FBXL17: variants seen among roughly 807,000 people sequenced by gnomAD.
The protein encoded by FBXL17 is F-box/LRR-repeat protein 17.
FBXL17 carries 22 observed loss-of-function variants against 66.2 expected under a neutral mutation model. The ratio of observed to expected loss-of-function variants is 0.33; its 90% CI spans 0.24 to 0.47. FBXL17 has a LOEUF of 0.47. Among genes scored for constraint, FBXL17 ranks in the 20% least tolerant of loss-of-function variants. The pLI is 1.00. For synonymous variants in FBXL17, 474 were observed against 400.5 expected (o/e 1.18, Z -2.19); for missense variants, 878 against 948.2 (o/e 0.93, Z 0.97).
intron 7 of FBXL17, among the ~76,000 whole-genome samples, chr5:107,932,267 CATATA>C (rs569319433): frequency 1.5e-3 from 221 of 152,174 alleles, no homozygotes; most frequent in Non-Finnish European, 2.5e-3. Flanking sequence ...TTTTATGAGA[CATATA>C]ATAGAATGTT....
intron 6 of FBXL17, among the ~76,000 whole-genome samples, chr5:108,122,101 G>C (rs1016820774): frequency 1.3e-5 from 2 of 151,932 alleles, no homozygotes; most frequent in Non-Finnish European, 1.5e-5. Context: ...TTTGAAAAGG[G>C]CTTATTATGT....
At chr5:107,955,460 T>C (rs1751632257) in intron 7 of FBXL17, among the ~76,000 whole-genome samples, 1 of 152,190 alleles carries the variant, frequency 6.6e-6, no homozygotes, top group African/African-American at 2.4e-5. Flanking sequence ...ATGTTGATTT[T>C]GCAATCACAG....
At chr5:108,198,726 T>C (rs1251382221) in intron 5 of FBXL17, among the ~76,000 whole-genome samples, 1 of 152,246 alleles carries the variant, frequency 6.6e-6, no homozygotes, top group Non-Finnish European at 1.5e-5. Flanking sequence ...GTCCACCAAG[T>C]ATTTCAATTT....
chr5:107,975,851 G>T (rs1346175778), intron 7 of FBXL17, among the ~76,000 whole-genome samples: 19 of 61,922 alleles, frequency 3.1e-4, no homozygotes, highest in South Asian at 7.5e-4. Context: ...GGTTTTTGTT[G>T]TTGTTGTTTT....
chr5:108,245,662 T>C (rs1416838267), intron 4 of FBXL17, among the ~76,000 whole-genome samples: 1 of 152,274 alleles, frequency 6.6e-6, no homozygotes, highest in East Asian at 1.9e-4. Flanking sequence ...GCATAAACAC[T>C]TAAACTCTAC....
At chr5:107,922,660 C>T (rs1361696302) in intron 7 of FBXL17, among the ~76,000 whole-genome samples, 1 of 152,162 alleles carries the variant, frequency 6.6e-6, no homozygotes, top group Non-Finnish European at 1.5e-5. Flanking sequence ...AATTTCCTGT[C>T]ACACTCACAT....
At chr5:108,142,526 G>A (rs902286318) in intron 6 of FBXL17, among the ~76,000 whole-genome samples, 3 of 152,244 alleles carry the variant, frequency 2.0e-5, no homozygotes, top group East Asian at 1.9e-4. Context: ...GAGCACCTCT[G>A]CCCAAAAATG....
intron 7 of FBXL17, among the ~76,000 whole-genome samples, chr5:107,903,973 T>C (rs1749662138): frequency 6.6e-6 from 1 of 152,210 alleles, no homozygotes; most frequent in African/African-American, 2.4e-5. Context: ...AAGGGCAGCT[T>C]TCTCTAAAAT....
At chr5:108,114,583 G>A (rs1218641527) in intron 6 of FBXL17, among the ~76,000 whole-genome samples, 1 of 152,054 alleles carries the variant, frequency 6.6e-6, no homozygotes, top group Admixed American at 6.6e-5. Flanking sequence ...TCTTATTTGT[G>A]GACATTTGTT....
In FBXL17 at chr5:108,101,409, C is replaced by T. The variant is rs546541469; in HGVS notation, c.1746-80408G>A. On this transcript the variant is annotated intron_variant, in intron 6 of 8. Transcript: ENST00000542267. ...TTCCACTATTCATTACTCCCTGATG[C>T]TTGCCAAAGACCAGACTGAGCCCAT... 4.6e-5 allele frequency among the ~76,000 whole-genome samples: 7 copies of T among 152,364 alleles called. 1 individual carries two copies. In the South Asian group the frequency reaches 1.4e-3, roughly 32 times the overall value.
chr5:108,335,791 T>G (rs909268226), intron 4 of FBXL17, among the ~76,000 whole-genome samples: 3 of 152,160 alleles, frequency 2.0e-5, no homozygotes, highest in African/African-American at 7.2e-5. Flanking sequence ...TAAAGTATAT[T>G]AGAAAAATGT....
At chr5:108,233,294 G>T (rs536312985) in intron 4 of FBXL17, among the ~76,000 whole-genome samples, 51 of 152,214 alleles carry the variant, frequency 3.4e-4, no homozygotes, top group African/African-American at 1.1e-3. Flanking sequence ...TGAAATAAAG[G>T]TAAAGGTTCA....
chr5:108,357,030 A>G (rs1043387503), intron 3 of FBXL17, among the ~76,000 whole-genome samples: 1 of 152,096 alleles, frequency 6.6e-6, no homozygotes, highest in African/African-American at 2.4e-5. Flanking sequence ...ATCAGGCAGC[A>G]AACAAAATTT....
At chr5:108,096,755 C>CT (rs1186178759) in intron 6 of FBXL17, among the ~76,000 whole-genome samples, 9 of 152,172 alleles carry the variant, frequency 5.9e-5, no homozygotes, top group African/African-American at 1.9e-4. Context: ...AAGGAGCTGT[C>CT]TGAGCAATGG....
At position 108,380,955 on chromosome 5, in the gene FBXL17, C is replaced by G; in HGVS notation, c.737G>C (p.Gly246Ala). ...GASPPRPPDA[G>A]CCQAPEQPPQ... The stretch of plus-strand genomic sequence containing the variant: ...GGGCTGCTCCGGGGCCTGGCAGCAG[C>G]CGGCGTCGGGGGGCCGGGGCGGCGA... The change falls in exon 1 of 9, where the codon GGC becomes GCC. Residue 246 changes from glycine to alanine, a missense_variant. By Grantham distance (60) the Gly-to-Ala change is moderately conservative (BLOSUM62 0). Around this residue, in one of 4 missense-constraint regions of FBXL17, gnomAD observed 605 missense variants for 509.5 expected, o/e 1.19. Coordinates refer to ENST00000542267, the MANE Select transcript of FBXL17 (RefSeq NM_001163315.3). The G allele has an allele frequency of 8.2e-7, 1 of 1,222,550 alleles. No homozygotes were observed. Among genetic ancestry groups the G allele is most frequent in the Non-Finnish European group, 1.0e-6 (1 of 981,174 alleles). 75.7% of individuals were successfully genotyped at this position (1,222,550 alleles called of 1,614,324 possible).
chr5:108,362,098 G>GT (rs561850717), intron 3 of FBXL17, among the ~76,000 whole-genome samples: 3 of 152,084 alleles, frequency 2.0e-5, no homozygotes, highest in Non-Finnish European at 2.9e-5. Context: ...GTTTTTCAAT[G>GT]TTTTTTTGGA....
At chr5:108,284,773 A>G (rs1013573241) in intron 4 of FBXL17, among the ~76,000 whole-genome samples, 4 of 151,890 alleles carry the variant, frequency 2.6e-5, no homozygotes. Flanking sequence ...TTGCTGGCAT[A>G]AAGTTTTGCC....
chr5:108,334,027 T>C (rs1760259860), intron 4 of FBXL17, among the ~76,000 whole-genome samples: 1 of 152,198 alleles, frequency 6.6e-6, no homozygotes, highest in African/African-American at 2.4e-5. Flanking sequence ...TGATGACTTG[T>C]AAAGCCTGAC....
chr5:108,247,531 T>A (rs1366014272), intron 4 of FBXL17, among the ~76,000 whole-genome samples: 1 of 152,120 alleles, frequency 6.6e-6, no homozygotes, highest in African/African-American at 2.4e-5. Flanking sequence ...ATAAATAAGG[T>A]CATTCTCCTA....
Sources: gnomAD v4.1 joint callset for allele counts (sites outside exome capture counted in the v4.1 genomes callset) on GRCh38, gnomAD v4.1.1 for gene constraint, gnomAD v4.1.1 regional missense constraint, MANE v1.5 for transcripts, NCBI Gene and HGNC (gene_info 2026-07-23, HGNC 2026-07-21) for gene names.